Variants in DYNC1I1 observed in about 807,000 individuals in gnomAD.
DYNC1I1 encodes the protein dynein cytoplasmic 1 intermediate chain 1, also known as cytoplasmic dynein 1 intermediate chain 1.
Under a neutral mutation model 86.6 loss-of-function variants are expected in DYNC1I1, and 43 were observed. The ratio of observed to expected loss-of-function variants is 0.50; its 90% CI spans 0.39 to 0.64. The LOEUF is 0.64. Among genes scored for constraint, DYNC1I1 ranks in the 30% least tolerant of loss-of-function variants. The probability of loss-of-function intolerance (pLI) is 0.00; values close to 1 mark genes in which losing one functional copy is unlikely to be tolerated. For synonymous variants in DYNC1I1, 262 were observed against 283.7 expected (o/e 0.92, Z 0.77); for missense variants, 604 against 788.8 (o/e 0.77, Z 2.81).
At chr7:95,813,753 A>G (rs1375468622) in intron 4 of DYNC1I1, among the ~76,000 whole-genome samples, 1 of 152,062 alleles carries the variant, frequency 6.6e-6, no homozygotes, top group Non-Finnish European at 1.5e-5. Flanking sequence ...TCTAAATTTA[A>G]TTTTTCAAGT....
At chr7:95,833,068 G>A (rs1788964830) in intron 5 of DYNC1I1, among the ~76,000 whole-genome samples, 1 of 149,328 alleles carries the variant, frequency 6.7e-6, no homozygotes, top group Non-Finnish European at 1.5e-5. Flanking sequence ...GAATGGTATT[G>A]CCTAGGTTTT....
intron 6 of DYNC1I1, among the ~76,000 whole-genome samples, chr7:95,946,456 T>C (rs1438120696): frequency 6.6e-6 from 1 of 152,012 alleles, no homozygotes; most frequent in Non-Finnish European, 1.5e-5. Context: ...TAGATAAATA[T>C]AACTAAACTC....
At chr7:95,894,570 C>T (rs1790828485) in intron 6 of DYNC1I1, among the ~76,000 whole-genome samples, 1 of 152,118 alleles carries the variant, frequency 6.6e-6, no homozygotes, top group Non-Finnish European at 1.5e-5. Flanking sequence ...ATAGATTCTT[C>T]TAGTTAGTAA....
In DYNC1I1 at chr7:96,069,569, G is replaced by A. The variant is rs114023213; in HGVS notation, c.1510-6488G>A. Among the ~76,000 whole-genome samples the A allele has an allele frequency of 5.7e-3, 865 of 152,238 alleles. 8 individuals carry two copies. Among genetic ancestry groups the A allele is most frequent in the African/African-American group, 0.02 (813 of 41,548 alleles). ...CTATATAGATTTGTGCTATTAAAAC[G>A]CCAGTTTTGAATGAGAACCTTGGGT... On this transcript the variant is annotated intron_variant, in intron 14 of 16. Transcript: ENST00000447467.
chr7:96,092,071 CTT>C (rs1790864777), intron 16 of DYNC1I1, among the ~76,000 whole-genome samples: 1 of 152,114 alleles, frequency 6.6e-6, no homozygotes, highest in Non-Finnish European at 1.5e-5. Flanking sequence ...TGAAAGAACT[CTT>C]TCCCTGTCCC....
rs117420466 is a variant in DYNC1I1 at position 95,773,312 on chromosome 7, G to A, written c.-10+539G>A. Among the ~76,000 whole-genome samples the A allele has an allele frequency of 6.3e-3, 963 of 152,354 alleles. 21 individuals carry two copies. Among genetic ancestry groups the A allele is most frequent in the East Asian group, 0.018 (95 of 5,188 alleles). ...GGGCATTAATTAAACACTTCAAAGCGAGAAGATGCCAGTTTCTCTCTGCTG... is the reference window on the plus strand; with the variant it reads ...GGGCATTAATTAAACACTTCAAAGCAAGAAGATGCCAGTTTCTCTCTGCTG... On this transcript the variant is annotated intron_variant, in intron 1 of 16. Coordinates refer to ENST00000447467, the MANE Select transcript of DYNC1I1 (RefSeq NM_001135556.2).
At chr7:96,047,026 A>G (rs1486511560) in intron 14 of DYNC1I1, among the ~76,000 whole-genome samples, 1 of 152,192 alleles carries the variant, frequency 6.6e-6, no homozygotes, top group Non-Finnish European at 1.5e-5. Context: ...ACAGTTCTGG[A>G]GGCTGATATG....
chr7:95,896,695 T>A (rs374767939), intron 6 of DYNC1I1, among the ~76,000 whole-genome samples: 1 of 152,202 alleles, frequency 6.6e-6, no homozygotes, highest in South Asian at 2.1e-4. Context: ...AGAAACCAAG[T>A]TGCTTATTAT....
chr7:96,089,988 CTTGATCT>C (rs1289560468), intron 16 of DYNC1I1, among the ~76,000 whole-genome samples: 1 of 152,008 alleles, frequency 6.6e-6, no homozygotes, highest in African/African-American at 2.4e-5. Flanking sequence ...CTACCATTTT[CTTGATCT>C]TTTGTGTTAT....
intron 14 of DYNC1I1, among the ~76,000 whole-genome samples, chr7:96,059,768 T>TA (rs1253191261): frequency 6.6e-6 from 1 of 152,088 alleles, no homozygotes; most frequent in Non-Finnish European, 1.5e-5. Flanking sequence ...GAGCAAGTGT[T>TA]AAAGTCTGTG....
In DYNC1I1 at chr7:96,076,123, G is replaced by A; in HGVS notation, c.1576G>A (p.Val526Met). 1 of 1,614,134 alleles carries A rather than the reference G, an allele frequency of 6.2e-7. No individual in the cohort carries two copies. Among genetic ancestry groups the A allele is most frequent in the Non-Finnish European group, 8.5e-7 (1 of 1,180,020 alleles). Residue 526 changes from valine to methionine, a missense_variant, in exon 15 of 17, where the codon GTG (valine) becomes ATG (methionine). Coordinates refer to ENST00000447467, the MANE Select transcript of DYNC1I1 (RefSeq NM_001135556.2). The stretch of plus-strand genomic sequence containing the variant: ...TGTGTACGATGTCATGTGGTCCCCC[G>A]TGCATCCTGCGCTTTTTGCCTGCGT... ...DYVYDVMWSP[V>M]HPALFACVDG...
chr7:95,953,379 G>A (rs1792612704), intron 6 of DYNC1I1, among the ~76,000 whole-genome samples: 1 of 151,812 alleles, frequency 6.6e-6, no homozygotes, highest in South Asian at 2.1e-4. Context: ...CTCCGCATTT[G>A]CTTTCTCCTA....
intron 10 of DYNC1I1, among the ~76,000 whole-genome samples, chr7:95,999,233 A>C (rs1793951561): frequency 6.6e-6 from 1 of 152,204 alleles, no homozygotes; most frequent in Admixed American, 6.5e-5. Flanking sequence ...TTTCTCTTTT[A>C]AATGGAATGA....
chr7:95,954,623 A>G (rs957324230), intron 6 of DYNC1I1, among the ~76,000 whole-genome samples: 2 of 152,162 alleles, frequency 1.3e-5, no homozygotes, highest in African/African-American at 4.8e-5. Flanking sequence ...TTAAAGATGT[A>G]TGGACAATGG....
intron 5 of DYNC1I1, among the ~76,000 whole-genome samples, chr7:95,867,936 A>T (rs1790057216): frequency 6.6e-6 from 1 of 152,226 alleles, no homozygotes; most frequent in South Asian, 2.1e-4. Context: ...CAGGCAGGAA[A>T]ACATTCTTTT....
At chr7:95,782,887 C>T (rs531530448) in intron 1 of DYNC1I1, among the ~76,000 whole-genome samples, 131 of 152,262 alleles carry the variant, frequency 8.6e-4, no homozygotes, top group Non-Finnish European at 1.7e-3. Flanking sequence ...TGACCTTCCC[C>T]AGCCGAACTC....
Position 96,098,107 on chromosome 7 carries a change from G to A in DYNC1I1, c.*514G>A, listed in dbSNP as rs997316532. 1.9e-5 allele frequency: 19 copies of A among 986,102 alleles called. No homozygotes were observed. The highest frequency in any genetic ancestry group is 3.5e-5 in the African/African-American group (2 of 57,216). The allele number at this position is 986,102 out of a possible 1,614,324, so 61.1% of individuals were successfully genotyped here. ...TTTATTGTAGTGTGCTGCATGGAACGTATTTATTTGAAAGCATTAAAATAA... is the reference window on the plus strand; with the variant it reads ...TTTATTGTAGTGTGCTGCATGGAACATATTTATTTGAAAGCATTAAAATAA... On this transcript the variant is annotated 3_prime_UTR_variant, in exon 17 of 17. Coordinates refer to ENST00000447467, the MANE Select transcript of DYNC1I1 (RefSeq NM_001135556.2).
At chr7:95,816,359 T>A (rs558851753) in intron 4 of DYNC1I1, among the ~76,000 whole-genome samples, 1 of 152,222 alleles carries the variant, frequency 6.6e-6, no homozygotes, top group South Asian at 2.1e-4. Flanking sequence ...GAGAAAATTT[T>A]AAAAAATGGG....
At chr7:95,919,995 A>G (rs1181500983) in intron 6 of DYNC1I1, among the ~76,000 whole-genome samples, 3 of 152,208 alleles carry the variant, frequency 2.0e-5, no homozygotes, top group African/African-American at 7.2e-5. Context: ...CAGATAATTT[A>G]TGTAAATTTT....
Sources: allele counts gnomAD v4.1 joint callset (sites outside exome capture counted in the v4.1 genomes callset), GRCh38; gene constraint gnomAD v4.1.1; transcripts MANE v1.5; gene names NCBI Gene and HGNC (gene_info 2026-07-23, HGNC 2026-07-21).